Variants in KCNH5 observed in about 807,000 individuals in gnomAD.
KCNH5 encodes voltage-gated delayed rectifier potassium channel KCNH5.
In KCNH5, 46 loss-of-function variants were observed where a neutral mutation model predicts 96.1. The ratio of observed to expected loss-of-function variants is 0.48; its 90% CI spans 0.38 to 0.61. The LOEUF (loss-of-function observed/expected upper bound fraction) is 0.61. Ranked by LOEUF, KCNH5 falls within the 20% of genes least tolerant of loss-of-function variation. The pLI is 0.00. For missense variants in KCNH5, 907 were observed against 1,225.8 expected, an observed-to-expected ratio of 0.74 and a Z score of 3.88; for synonymous variants, 439 against 449.8, an observed-to-expected ratio of 0.98 and a Z score of 0.30.
intron 8 of KCNH5, among the ~76,000 whole-genome samples, chr14:62,817,016 C>T (rs1049298220): frequency 2.1e-5 from 3 of 145,772 alleles, no homozygotes; most frequent in Non-Finnish European, 4.5e-5. Flanking sequence ...ATTTATTGAA[C>T]TTCTTATTTT....
chr14:62,815,332 A>G (rs1461881418), intron 8 of KCNH5, among the ~76,000 whole-genome samples: 1 of 152,166 alleles, frequency 6.6e-6, no homozygotes, highest in South Asian at 2.1e-4. Flanking sequence ...TGGGGTTCTG[A>G]TAATAAGGTT....
intron 10 of KCNH5, among the ~76,000 whole-genome samples, chr14:62,719,601 T>C (rs1351168100): frequency 6.6e-6 from 1 of 152,192 alleles, no homozygotes; most frequent in Admixed American, 6.5e-5. Flanking sequence ...TGTACAGAAT[T>C]TGGAAGTGAG....
At chr14:63,044,408 T>C (rs1410152333) in intron 1 of KCNH5, among the ~76,000 whole-genome samples, 3 of 152,222 alleles carry the variant, frequency 2.0e-5, no homozygotes, top group African/African-American at 7.2e-5. Context: ...TCTTTTTGAT[T>C]TTTTTCTAGT....
intron 4 of KCNH5, among the ~76,000 whole-genome samples, chr14:62,992,897 T>C (rs1460908546): frequency 6.6e-6 from 1 of 152,056 alleles, no homozygotes; most frequent in Admixed American, 6.6e-5. Flanking sequence ...CCTACACCAA[T>C]GTCCAGAAGA....
chr14:62,900,123 G>A (rs1042169914), intron 7 of KCNH5, among the ~76,000 whole-genome samples: 2 of 152,110 alleles, frequency 1.3e-5, no homozygotes, highest in Admixed American at 1.3e-4. Context: ...AATCCTGTTT[G>A]TTGACCAAAA....
At chr14:62,977,255 TG>T (rs1890519080) in intron 6 of KCNH5, among the ~76,000 whole-genome samples, 1 of 151,990 alleles carries the variant, frequency 6.6e-6, no homozygotes, top group Non-Finnish European at 1.5e-5. Flanking sequence ...TAGTCCCAGC[TG>T]CTGGGGAAGT....
chr14:62,793,128 C>T lies in KCNH5; in HGVS notation c.1822+9201G>A, dbSNP rs571220018. Among the ~76,000 whole-genome samples the T allele has an allele frequency of 2.0e-5, 3 of 151,738 alleles. No individual in the cohort carries two copies. In the East Asian group the frequency reaches 5.8e-4, roughly 29 times the overall value. ...ATAGAAGCAGAGAATATAATAGTGGCTGTCAGGGCTTGGAAGATGGGGGAA... is the reference window on the plus strand; with the variant it reads ...ATAGAAGCAGAGAATATAATAGTGGTTGTCAGGGCTTGGAAGATGGGGGAA... On this transcript the variant is annotated intron_variant, in intron 9 of 10. Transcript: ENST00000322893.
chr14:62,855,495 C>T (rs1183412929), intron 7 of KCNH5, among the ~76,000 whole-genome samples: 1 of 152,250 alleles, frequency 6.6e-6, no homozygotes, highest in Middle Eastern at 3.4e-3. Flanking sequence ...TAGCCCTGTG[C>T]AAATTGTAGA....
At position 62,899,684 on chromosome 14, in the gene KCNH5, A is replaced by C. The variant is rs1047697325; in HGVS notation, c.1370-49832T>G. Among the ~76,000 whole-genome samples the C allele has an allele frequency of 2.0e-5, 3 of 147,248 alleles. No individual in the cohort carries two copies. The Admixed American group carries it at 2.1e-4, about 10-fold the overall frequency. ...CGTCTCTACTAAAAATACAAAAAAA[A>C]TTAGCCGGGCGTAGTGGCGGGCGCC... On this transcript the variant is annotated intron_variant, in intron 7 of 10. Transcript: ENST00000322893.
At chr14:62,939,555 A>G (rs1054320670) in intron 7 of KCNH5, among the ~76,000 whole-genome samples, 1 of 152,148 alleles carries the variant, frequency 6.6e-6, no homozygotes, top group African/African-American at 2.4e-5. Context: ...ATTCAGCTGA[A>G]TTTGCTAGAA....
chr14:63,019,013 T>C (rs1045043071), intron 1 of KCNH5, among the ~76,000 whole-genome samples: 5 of 151,974 alleles, frequency 3.3e-5, no homozygotes, highest in Non-Finnish European at 5.9e-5. Context: ...ATACAAGCTA[T>C]TGCAAACTGA....
intron 10 of KCNH5, among the ~76,000 whole-genome samples, chr14:62,714,014 G>A (rs991557895): frequency 3.3e-5 from 5 of 152,126 alleles, no homozygotes; most frequent in Non-Finnish European, 7.3e-5. Flanking sequence ...TGGGCATGGT[G>A]GTTCATGCCT....
At position 62,707,813 on chromosome 14, in the gene KCNH5, T is replaced by G; in HGVS notation, c.2662A>C (p.Ser888Arg). The change falls in exon 11 of 11, where the codon AGT becomes CGT. Residue 888 changes from serine (S) to arginine (R), a missense_variant. Physicochemically the swap from Ser to Arg is moderately radical, Grantham distance 110. Around this residue, in one of 6 missense-constraint regions of KCNH5, gnomAD observed 362 missense variants for 394.4 expected, o/e 0.92. Coordinates refer to ENST00000322893, the MANE Select transcript of KCNH5 (RefSeq NM_139318.5). Reference protein sequence around the residue: ...AGEARSPLEHSPIQADAKHPF... With the variant: ...AGEARSPLEHRPIQADAKHPF... ...TGCTTGGCATCAGCCTGGATGGGAC[T>G]GTGCTCTAGCGGACTTCGGGCCTCC... 1 of 1,614,180 alleles carries G rather than the reference T, an allele frequency of 6.2e-7. No individual in the cohort carries two copies. Among genetic ancestry groups the G allele is most frequent in the Non-Finnish European group, 8.5e-7 (1 of 1,180,036 alleles).
chr14:62,849,375 G>A (rs1470604386), intron 8 of KCNH5, among the ~76,000 whole-genome samples: 3 of 152,156 alleles, frequency 2.0e-5, no homozygotes, highest in Admixed American at 6.5e-5. Flanking sequence ...ACTGTGAGAG[G>A]TAATAAGACT....
At position 62,708,419 on chromosome 14, in the gene KCNH5, CCTCTTT is replaced by C. The variant is rs761257833; in HGVS notation, c.2050_2055del (p.Lys684_Glu685del). 1 of 1,606,732 alleles carries C rather than the reference CCTCTTT, an allele frequency of 6.2e-7. No individual in the cohort carries two copies. On this transcript the variant is annotated inframe_deletion, in exon 11 of 11. Transcript: ENST00000322893. ...TTCTTCTGCCGGAGGCGCTCCTCCTCCTCTTTCTTCACATCACTGATCTTACGAAAG... is the reference window on the plus strand; with the variant it reads ...TTCTTCTGCCGGAGGCGCTCCTCCTCCTTCACATCACTGATCTTACGAAAG...
chr14:62,853,498 TTGGC>T lies in KCNH5; in HGVS notation c.1370-3650_1370-3647del, dbSNP rs1887866317. Among the ~76,000 whole-genome samples, 3 of 97,152 alleles carry T rather than the reference TTGGC, an allele frequency of 3.1e-5. No individual in the cohort carries two copies. In the South Asian group the frequency reaches 1.0e-3, roughly 33 times the overall value. The allele number at this position is 97,152 out of a possible 152,430, so 63.7% of individuals were successfully genotyped here. A position where few individuals can be genotyped will look rare whatever the true frequency, so the allele number is the denominator to read the frequency against. ...ATATATATCATATATATATATAATC[TTGGC>T]CACATATAATCATAGCACTGCCTCT... On this transcript the variant is annotated intron_variant, in intron 7 of 10. Coordinates refer to ENST00000322893, the MANE Select transcript of KCNH5 (RefSeq NM_139318.5).
chr14:62,777,881 A>C (rs566685219), intron 10 of KCNH5, among the ~76,000 whole-genome samples: 1 of 142,098 alleles, frequency 7.0e-6, no homozygotes, highest in African/African-American at 2.5e-5. Context: ...GTGTGTGTGT[A>C]AGAGAAAAAG....
chr14:62,882,134 G>A (rs936251784), intron 7 of KCNH5, among the ~76,000 whole-genome samples: 2 of 146,922 alleles, frequency 1.4e-5, no homozygotes, highest in African/African-American at 5.1e-5. Flanking sequence ...AAAAGCTGGG[G>A]CATGGTGGTA....
At chr14:62,790,981 A>G (rs1886422394) in intron 9 of KCNH5, among the ~76,000 whole-genome samples, 1 of 151,484 alleles carries the variant, frequency 6.6e-6, no homozygotes, top group Admixed American at 6.6e-5. Context: ...TTCTTGTCTG[A>G]TTGCCTTTGC....
Sources: allele counts gnomAD v4.1 joint callset (sites outside exome capture counted in the v4.1 genomes callset), GRCh38; gene constraint gnomAD v4.1.1; regional missense constraint gnomAD v4.1.1; transcripts MANE v1.5; gene names NCBI Gene and HGNC (gene_info 2026-07-23, HGNC 2026-07-21).